The following ARHGAP24 variants were observed in gnomAD, a reference collection of about 807,000 sequenced individuals.
The protein encoded by ARHGAP24 is rho GTPase-activating protein 24.
In ARHGAP24, 50 loss-of-function variants were observed where a neutral mutation model predicts 76.4. The ratio of observed to expected loss-of-function variants is 0.65; its 90% CI spans 0.52 to 0.83. ARHGAP24 has a LOEUF of 0.83. Ranked by LOEUF, ARHGAP24 falls within the 40% of genes least tolerant of loss-of-function variation. ARHGAP24 has a pLI of 0.00. For missense variants in ARHGAP24, 930 were observed against 914.2 expected, an observed-to-expected ratio of 1.02 and a Z score of -0.22; for synonymous variants, 345 against 323.3, an observed-to-expected ratio of 1.07 and a Z score of -0.72.
At chr4:85,650,607 CTAT>C (rs1721899075) in intron 2 of ARHGAP24, among the ~76,000 whole-genome samples, 1 of 149,364 alleles carries the variant, frequency 6.7e-6, no homozygotes, top group African/African-American at 2.6e-5. Context: ...TAAGCACTTG[CTAT>C]TATTATATTT....
intron 1 of ARHGAP24, among the ~76,000 whole-genome samples, chr4:85,553,410 T>C (rs929853102): frequency 1.3e-5 from 2 of 152,176 alleles, no homozygotes; most frequent in African/African-American, 2.4e-5. Context: ...TACATAGTGC[T>C]GATTGGTCCG....
intron 1 of ARHGAP24, among the ~76,000 whole-genome samples, chr4:85,525,334 G>T (rs1578007811): frequency 1.5e-5 from 2 of 134,294 alleles, no homozygotes; most frequent in Admixed American, 8.2e-5. Flanking sequence ...ACCTTTTCTA[G>T]CTCAACTTTT....
chr4:85,486,687 T>A (rs1481461001), intron 1 of ARHGAP24, among the ~76,000 whole-genome samples: 1 of 152,206 alleles, frequency 6.6e-6, no homozygotes, highest in Non-Finnish European at 1.5e-5. Context: ...GACATACTAG[T>A]AATAGTTCCT....
chr4:85,930,732 T>G (rs930012050), intron 4 of ARHGAP24: 42 of 1,280,198 alleles, frequency 3.3e-5, no homozygotes, highest in African/African-American at 4.6e-5. Context: ...AAAAGGAAGT[T>G]TTTTTTTGCT....
chr4:85,553,988 A>G (rs1009247343), intron 1 of ARHGAP24, among the ~76,000 whole-genome samples: 2 of 151,724 alleles, frequency 1.3e-5, no homozygotes, highest in Non-Finnish European at 2.9e-5. Context: ...TCCTTACAGA[A>G]CCTTTTGTAA....
chr4:85,675,289 A>G (rs1722943426), intron 2 of ARHGAP24, among the ~76,000 whole-genome samples: 1 of 152,322 alleles, frequency 6.6e-6, no homozygotes, highest in South Asian at 2.1e-4. Flanking sequence ...AAGTCAGGCA[A>G]GAGTCCAAAT....
chr4:85,631,988 T>A (rs2110013196), intron 2 of ARHGAP24, among the ~76,000 whole-genome samples: 1 of 152,234 alleles, frequency 6.6e-6, no homozygotes, highest in Admixed American at 6.5e-5. Context: ...GAGTGTGTCT[T>A]TTGTATCCAT....
chr4:85,663,635 G>C lies in ARHGAP24; in HGVS notation c.181-58250G>C, dbSNP rs1171530270. ...AATGCTTCCAGTTTTTGCCCATTCA[G>C]TATGATATTGGCTGTGGGTTTGTCA... On this transcript the variant is annotated intron_variant, in intron 2 of 9. Coordinates refer to ENST00000395184, the MANE Select transcript of ARHGAP24 (RefSeq NM_001025616.3). Among the ~76,000 whole-genome samples, 4 of 150,880 alleles carry C rather than the reference G, an allele frequency of 2.7e-5. No homozygotes were observed. In the East Asian group the frequency reaches 7.8e-4, roughly 29 times the overall value.
rs1268017661 is a variant in ARHGAP24 at position 85,915,734 on chromosome 4, T to C, written c.269-7914T>C. Among the ~76,000 whole-genome samples the C allele has an allele frequency of 2.0e-5, 3 of 152,202 alleles. No individual in the cohort carries two copies. The East Asian group carries it at 5.8e-4, about 29-fold the overall frequency. Reference sequence around the variant, plus strand: ...TGGTTTCCAGCTTCATCTAGGTCCCTGCAAAGGAAATGAACTCATCCTTTT... The same window carrying C: ...TGGTTTCCAGCTTCATCTAGGTCCCCGCAAAGGAAATGAACTCATCCTTTT... On this transcript the variant is annotated intron_variant, in intron 3 of 9. Coordinates refer to ENST00000395184, the MANE Select transcript of ARHGAP24 (RefSeq NM_001025616.3).
At chr4:85,804,481 G>T (rs905675924) in intron 3 of ARHGAP24, among the ~76,000 whole-genome samples, 6 of 152,076 alleles carry the variant, frequency 3.9e-5, no homozygotes, top group Non-Finnish European at 8.8e-5. Flanking sequence ...ACTGAAAGGA[G>T]GTCATTTTCT....
chr4:85,923,241 C>T (rs1450691052), intron 3 of ARHGAP24, among the ~76,000 whole-genome samples: 3 of 152,162 alleles, frequency 2.0e-5, no homozygotes, highest in Non-Finnish European at 4.4e-5. Flanking sequence ...CTATGCAGTT[C>T]TCAGACTGTT....
At chr4:85,930,851 TGAG>T in intron 4 of ARHGAP24, 1 of 1,604,450 alleles carries the variant, frequency 6.2e-7, no homozygotes, top group South Asian at 1.1e-5. Flanking sequence ...TAAACAAGCA[TGAG>T]GAGTGGCTGT....
intron 1 of ARHGAP24, among the ~76,000 whole-genome samples, chr4:85,526,140 G>A (rs939938522): frequency 6.6e-6 from 1 of 152,162 alleles, no homozygotes; most frequent in African/African-American, 2.4e-5. Flanking sequence ...GCCGGGTATG[G>A]TGGCTCACAC....
At chr4:85,854,547 C>T (rs1333153576) in intron 3 of ARHGAP24, among the ~76,000 whole-genome samples, 1 of 152,204 alleles carries the variant, frequency 6.6e-6, no homozygotes, top group Admixed American at 6.5e-5. Flanking sequence ...ATCTCCAAAT[C>T]TCAAAACTCC....
chr4:85,829,360 A>T (rs541165589), intron 3 of ARHGAP24, among the ~76,000 whole-genome samples: 61 of 152,338 alleles, frequency 4.0e-4, no homozygotes, highest in Admixed American at 7.2e-4. Context: ...CCCACTTTTA[A>T]AGTATGTCAG....
chr4:85,910,077 C>T (rs1456507285), intron 3 of ARHGAP24, among the ~76,000 whole-genome samples: 1 of 152,202 alleles, frequency 6.6e-6, no homozygotes, highest in African/African-American at 2.4e-5. Context: ...GCAACGGGAC[C>T]TGCAGCTCCA....
chr4:85,775,835 G>A (rs1299111566), intron 3 of ARHGAP24, among the ~76,000 whole-genome samples: 2 of 152,044 alleles, frequency 1.3e-5, no homozygotes, highest in African/African-American at 4.8e-5. Context: ...AGAGAATAAT[G>A]GAAAACCACT....
chr4:85,796,832 T>C (rs1025990010), intron 3 of ARHGAP24, among the ~76,000 whole-genome samples: 1 of 152,152 alleles, frequency 6.6e-6, no homozygotes, highest in African/African-American at 2.4e-5. Flanking sequence ...GCTGTGCCCA[T>C]AGAATTTTCT....
At chr4:85,880,873 A>G (rs1733214535) in intron 3 of ARHGAP24, among the ~76,000 whole-genome samples, 1 of 152,128 alleles carries the variant, frequency 6.6e-6, no homozygotes, top group Non-Finnish European at 1.5e-5. Context: ...ACTAGTGCAG[A>G]CTTCTTTTTC....
Sources: gnomAD v4.1 joint callset for allele counts (sites outside exome capture counted in the v4.1 genomes callset) on GRCh38, gnomAD v4.1.1 for gene constraint, MANE v1.5 for transcripts, NCBI Gene and HGNC (gene_info 2026-07-23, HGNC 2026-07-21) for gene names.